LRRTM3: variants seen among roughly 807,000 people sequenced by gnomAD.
LRRTM3 encodes the protein leucine rich repeat transmembrane neuronal 3, also known as leucine-rich repeat transmembrane neuronal protein 3.
A neutral mutation model predicts 44.7 loss-of-function variants in LRRTM3; 24 were observed. The ratio of observed to expected loss-of-function variants is 0.54; its 90% CI spans 0.39 to 0.76. LRRTM3 has a LOEUF of 0.76. LRRTM3 is among the 30% of genes least tolerant of loss of function. LRRTM3 has a pLI of 0.00. For synonymous variants in LRRTM3, 277 were observed against 278.7 expected (o/e 0.99, Z 0.06); for missense variants, 587 against 702.2 (o/e 0.84, Z 1.85).
chr10:66,944,311 TAAG>T (rs2132694314), intron 2 of LRRTM3, among the ~76,000 whole-genome samples: 1 of 152,320 alleles, frequency 6.6e-6, no homozygotes, highest in African/African-American at 2.4e-5. Context: ...TGTTCATCCA[TAAG>T]CAGCAACTCC....
chr10:66,961,885 A>T (rs912218160), intron 2 of LRRTM3, among the ~76,000 whole-genome samples: 3 of 152,130 alleles, frequency 2.0e-5, no homozygotes, highest in Non-Finnish European at 4.4e-5. Flanking sequence ...TGGCATATGG[A>T]GGCCAAATGT....
intron 2 of LRRTM3, among the ~76,000 whole-genome samples, chr10:67,090,027 C>T (rs1397313840): frequency 6.6e-6 from 1 of 152,052 alleles, no homozygotes; most frequent in Non-Finnish European, 1.5e-5. Flanking sequence ...TCTTTTTGCA[C>T]ATTTTGTTAA....
At chr10:67,015,910 C>A (rs992837384) in intron 2 of LRRTM3, among the ~76,000 whole-genome samples, 1 of 151,840 alleles carries the variant, frequency 6.6e-6, no homozygotes, top group South Asian at 2.1e-4. Flanking sequence ...TGTTTTCAAT[C>A]AAGTTTATTC....
intron 2 of LRRTM3, among the ~76,000 whole-genome samples, chr10:67,057,312 A>T (rs7080302): frequency 0.035 from 5,330 of 152,164 alleles, 284 homozygotes; most frequent in African/African-American, 0.11. Context: ...TTCTTAGCAT[A>T]TGTCAAGTAT....
intron 2 of LRRTM3, among the ~76,000 whole-genome samples, chr10:66,935,192 A>G (rs1847626411): frequency 6.6e-6 from 1 of 152,148 alleles, no homozygotes; most frequent in Non-Finnish European, 1.5e-5. Context: ...AGAATCTCAC[A>G]AGAGCTTTAA....
intron 2 of LRRTM3, among the ~76,000 whole-genome samples, chr10:67,080,151 T>C (rs114925023): frequency 0.011 from 1,706 of 152,234 alleles, 21 homozygotes; most frequent in African/African-American, 0.036. Flanking sequence ...CGTTAAAAAA[T>C]TCCCTCTTCT....
chr10:67,056,550 G>A (rs1254487868), intron 2 of LRRTM3, among the ~76,000 whole-genome samples: 1 of 152,062 alleles, frequency 6.6e-6, no homozygotes, highest in Non-Finnish European at 1.5e-5. Context: ...AGCATCAAAG[G>A]ACAGGTTTGA....
chr10:67,056,581 C>T (rs1172381303), intron 2 of LRRTM3, among the ~76,000 whole-genome samples: 1 of 152,142 alleles, frequency 6.6e-6, no homozygotes, highest in Non-Finnish European at 1.5e-5. Flanking sequence ...AGGACACTCA[C>T]AAACTTTCTA....
At chr10:67,014,059 C>A (rs79464362) in intron 2 of LRRTM3, among the ~76,000 whole-genome samples, 220 of 152,206 alleles carry the variant, frequency 1.4e-3, no homozygotes, top group African/African-American at 5.0e-3. Context: ...TAAAAAATAA[C>A]CTTTTTTCCC....
At chr10:67,083,614 C>T (rs1413906715) in intron 2 of LRRTM3, among the ~76,000 whole-genome samples, 1 of 152,126 alleles carries the variant, frequency 6.6e-6, no homozygotes, top group Non-Finnish European at 1.5e-5. Context: ...AGATACTAGA[C>T]AGTGATAGCA....
chr10:66,933,267 C>T (rs762871970), intron 2 of LRRTM3, among the ~76,000 whole-genome samples: 1 of 152,210 alleles, frequency 6.6e-6, no homozygotes, highest in Non-Finnish European at 1.5e-5. Flanking sequence ...ACAGCTTCTT[C>T]CACCTCATGT....
chr10:67,058,188 T>C (rs143841025), intron 2 of LRRTM3, among the ~76,000 whole-genome samples: 1 of 152,326 alleles, frequency 6.6e-6, no homozygotes, highest in African/African-American at 2.4e-5. Flanking sequence ...ATCACATTTC[T>C]AATCACAGCA....
chr10:67,096,022 T>C (rs1012116403), intron 2 of LRRTM3, among the ~76,000 whole-genome samples: 2 of 151,844 alleles, frequency 1.3e-5, no homozygotes, highest in Non-Finnish European at 2.9e-5. Context: ...ATATCTTTCA[T>C]TCACGCATCA....
chr10:67,011,672 T>A (rs1852350492), intron 2 of LRRTM3, among the ~76,000 whole-genome samples: 1 of 152,208 alleles, frequency 6.6e-6, no homozygotes, highest in Admixed American at 6.5e-5. Flanking sequence ...ATGATGACGA[T>A]AGCAAATATA....
intron 2 of LRRTM3, among the ~76,000 whole-genome samples, chr10:66,950,289 T>C (rs1489481372): frequency 6.6e-6 from 1 of 152,146 alleles, no homozygotes; most frequent in Non-Finnish European, 1.5e-5. Flanking sequence ...ATTTTCTAAC[T>C]TGAAGTATAT....
intron 2 of LRRTM3, among the ~76,000 whole-genome samples, chr10:67,069,218 T>C (rs560347458): frequency 1.8e-4 from 28 of 152,096 alleles, no homozygotes; most frequent in Middle Eastern, 6.8e-3. Context: ...AATATGCAGA[T>C]GAATGATCAA....
In LRRTM3 at chr10:67,077,792, C is replaced by T. The variant is rs541288603; in HGVS notation, c.1537-19795C>T. ...GACAGTAGGTGGCATATTATACATA[C>T]TCAATGATCATTTATTAAATGAATG... On this transcript the variant is annotated intron_variant, in intron 2 of 2. Transcript: ENST00000361320. 6.1e-4 allele frequency among the ~76,000 whole-genome samples: 93 copies of T among 151,978 alleles called. 1 individual carries two copies. The highest frequency in any genetic ancestry group is 2.1e-3 in the African/African-American group (85 of 41,428).
chr10:66,927,017 G>A lies in LRRTM3; in HGVS notation c.101G>A (p.Cys34Tyr). The A allele has an allele frequency of 6.2e-7, 1 of 1,614,142 alleles. No homozygotes were observed. Among genetic ancestry groups the A allele is most frequent in the Non-Finnish European group, 8.5e-7 (1 of 1,180,034 alleles). ...LTMLSSAERGCPKGCRCEGKM... is the reference protein window; with the variant it reads ...LTMLSSAERGYPKGCRCEGKM... The stretch of plus-strand genomic sequence containing the variant: ...ATGCTTTCTTCTGCCGAACGAGGAT[G>A]CCCTAAGGGCTGTAGGTGTGAAGGC... Residue 34 changes from cysteine to tyrosine, a missense_variant, in exon 2 of 3, where the codon TGC becomes TAC. Physicochemically the swap from Cys to Tyr is radical, Grantham distance 194 (BLOSUM62 -2). This residue lies in a region of LRRTM3 where 50 missense variants were observed against 43.4 expected (regional missense o/e 1.15). Coordinates refer to ENST00000361320, the MANE Select transcript of LRRTM3 (RefSeq NM_178011.5). The surrounding 1 kb of genome is among the most constrained non-coding windows in gnomAD (Gnocchi z 4.7).
intron 2 of LRRTM3, among the ~76,000 whole-genome samples, chr10:66,998,478 T>G (rs774285369): frequency 6.6e-6 from 1 of 152,128 alleles, no homozygotes; most frequent in Non-Finnish European, 1.5e-5. Context: ...ATATTGCAAA[T>G]TATATTTTTA....
Sources: gnomAD v4.1 joint callset for allele counts (sites outside exome capture counted in the v4.1 genomes callset) on GRCh38, gnomAD v4.1.1 for gene constraint, gnomAD v4.1.1 regional missense constraint, Gnocchi (gnomAD v3.1) non-coding constraint, MANE v1.5 for transcripts, NCBI Gene and HGNC (gene_info 2026-07-23, HGNC 2026-07-21) for gene names.